The following XCR1 variants were observed in gnomAD, a reference collection of about 807,000 sequenced individuals.
XCR1 encodes X-C motif chemokine receptor 1.
For missense variants in XCR1, 356 were observed against 424.2 expected (o/e 0.84, Z 1.41); for synonymous variants, 187 against 188.5 (o/e 0.99, Z 0.06).
At chr3:46,049,369 A>G (rs561774973) in intron 5 of XCR1, among the ~76,000 whole-genome samples, 4 of 152,320 alleles carry the variant, frequency 2.6e-5, no homozygotes, top group African/African-American at 9.6e-5. Flanking sequence ...GCTTGCTGAA[A>G]CACAGAACCA....
intron 1 of XCR1, chr3:46,022,295 A>T: frequency 5.2e-6 from 1 of 193,506 alleles, no homozygotes; most frequent in Non-Finnish European, 1.1e-5. Context: ...ACAGAGAAAA[A>T]CCATGTTTCA....
intron 5 of XCR1, among the ~76,000 whole-genome samples, chr3:46,050,137 C>T (rs560321912): frequency 7.2e-5 from 11 of 152,230 alleles, no homozygotes; most frequent in African/African-American, 2.6e-4. Flanking sequence ...GAAGAATAAA[C>T]AAAAGCAAAG....
At chr3:46,050,518 A>G (rs1414620822) in intron 5 of XCR1, among the ~76,000 whole-genome samples, 1 of 152,234 alleles carries the variant, frequency 6.6e-6, no homozygotes, top group African/African-American at 2.4e-5. Flanking sequence ...ACTTCTCTGA[A>G]TAATTTATGT....
At chr3:46,068,305 G>A (rs1446380220) in intron 3 of XCR1, among the ~76,000 whole-genome samples, 1 of 152,028 alleles carries the variant, frequency 6.6e-6, no homozygotes, top group East Asian at 1.9e-4. Flanking sequence ...ATTTTGCCAC[G>A]TCTGAAAGCA....
chr3:46,031,715 T>C (rs1011910584), upstream of XCR1, among the ~76,000 whole-genome samples: 9 of 152,356 alleles, frequency 5.9e-5, no homozygotes, highest in African/African-American at 2.2e-4. Flanking sequence ...GGGGACCTTT[T>C]GGTGCCTTTC....
At chr3:46,023,240 G>A (rs1015221282) in intron 1 of XCR1, 3 of 597,384 alleles carry the variant, frequency 5.0e-6, no homozygotes, top group Admixed American at 6.1e-5. Flanking sequence ...GCTCCCCTGC[G>A]ATCCCCTCCA....
At chr3:46,073,747 C>G (rs1168166370) in intron 3 of XCR1, among the ~76,000 whole-genome samples, 1 of 151,416 alleles carries the variant, frequency 6.6e-6, no homozygotes, top group Non-Finnish European at 1.5e-5. Flanking sequence ...TACAAATAAC[C>G]CCATTAAAAA....
intron 4 of XCR1, among the ~76,000 whole-genome samples, chr3:46,063,900 C>T (rs761271775): frequency 1.3e-5 from 2 of 152,234 alleles, no homozygotes; most frequent in Non-Finnish European, 2.9e-5. Context: ...GACAGGGCCT[C>T]GCTCTGCCAC....
Position 46,021,778 on chromosome 3 carries a change from A to G in XCR1, c.170T>C (p.Val57Ala), listed in dbSNP as rs1430746669. The G allele has an allele frequency of 1.9e-6, 3 of 1,614,120 alleles. No individual in the cohort carries two copies. Among genetic ancestry groups the G allele is most frequent in the African/African-American group, 1.3e-5 (1 of 75,006 alleles). The change falls in exon 2 of 2, where the codon GTG becomes GCG. Residue 57 changes from valine to alanine, a missense_variant. Val to Ala is a moderately conservative substitution (Grantham distance 64, BLOSUM62 0). Coordinates refer to ENST00000309285, the MANE Select transcript of XCR1 (RefSeq NM_001024644.2). This position sits in a 1 kb window ranked among gnomAD's most constrained non-coding sequence, Gnocchi z 4.7. ...VGNSLVLWVL[V>A]KYESLESLTN... ...GAGGGACTCCAGGCTCTCATACTTC[A>G]CCAGGACCCACAGGACCAGGCTGTT...
In XCR1 at chr3:46,022,200, C is replaced by A. The variant is rs1166459627; in HGVS notation, c.-31-222G>T. 3 of 395,286 alleles carry A rather than the reference C, an allele frequency of 7.6e-6. No individual in the cohort carries two copies. The Admixed American group carries it at 1.3e-4, about 17-fold the overall frequency. 24.5% of individuals were successfully genotyped at this position (395,286 alleles called of 1,614,324 possible). A position where few individuals can be genotyped will look rare whatever the true frequency, so the allele number is the denominator to read the frequency against. ...CCTATAGTCCCAGCTACTCAGGAAA[C>A]CGGGGGGTGGGGAAAGATTGCTTGA... On this transcript the variant is annotated intron_variant, in intron 1 of 1. Transcript: ENST00000309285.
chr3:46,072,491 G>A (rs1698178954), intron 3 of XCR1, among the ~76,000 whole-genome samples: 1 of 152,094 alleles, frequency 6.6e-6, no homozygotes, highest in Non-Finnish European at 1.5e-5. Context: ...GTGGCTGAGA[G>A]GGACCTTGTC....
In XCR1 at chr3:46,081,979, C is replaced by T. The variant is rs1470563758; in HGVS notation, c.-515+3815G>A. The stretch of plus-strand genomic sequence containing the variant: ...AGATTTTGATTACTGGAAAGGATGT[C>T]GAATAAAAGATTCCTTCTCACCCAG... On this transcript the variant is annotated intron_variant, in intron 1 of 5. Coordinates refer to the XCR1 transcript ENST00000683768. Among the ~76,000 whole-genome samples the T allele has an allele frequency of 3.9e-5, 6 of 152,176 alleles. No individual in the cohort carries two copies. In the South Asian group the frequency reaches 8.3e-4, roughly 21 times the overall value.
chr3:46,043,895 C>A (rs572511037), intron 5 of XCR1, among the ~76,000 whole-genome samples: 6 of 152,280 alleles, frequency 3.9e-5, no homozygotes, highest in Non-Finnish European at 8.8e-5. Context: ...ATGATGGTTC[C>A]AATTTCTACA....
upstream of XCR1, among the ~76,000 whole-genome samples, chr3:46,028,535 T>C (rs1350982721): frequency 2.0e-5 from 3 of 151,814 alleles, no homozygotes; most frequent in Non-Finnish European, 4.4e-5. Flanking sequence ...TTGGGTTTCT[T>C]TTTAATTCTT....
At chr3:46,054,367 G>A (rs946357932) in intron 4 of XCR1, among the ~76,000 whole-genome samples, 3 of 152,144 alleles carry the variant, frequency 2.0e-5, no homozygotes, top group Non-Finnish European at 2.9e-5. Flanking sequence ...GGGAGCAGTC[G>A]TGAGTTTGCC....
intron 1 of XCR1, among the ~76,000 whole-genome samples, chr3:46,078,937 G>A (rs1415280727): frequency 6.6e-6 from 1 of 152,158 alleles, no homozygotes; most frequent in African/African-American, 2.4e-5. Flanking sequence ...ATCTGCATGG[G>A]CATAAAATAC....
At chr3:46,030,678 C>T (rs555063727), upstream of XCR1, among the ~76,000 whole-genome samples, 1 of 152,362 alleles carries the variant, frequency 6.6e-6, no homozygotes, top group African/African-American at 2.4e-5. Context: ...ACCATCATGC[C>T]AGCTGCAGCA....
chr3:46,053,055 A>C (rs146961460), intron 5 of XCR1, among the ~76,000 whole-genome samples: 1 of 152,176 alleles, frequency 6.6e-6, no homozygotes, highest in African/African-American at 2.4e-5. Flanking sequence ...GCATGGTTCT[A>C]TCCAGCCTGG....
chr3:46,034,739 C>T (rs1200621956), intron 5 of XCR1, among the ~76,000 whole-genome samples: 1 of 152,034 alleles, frequency 6.6e-6, no homozygotes, highest in Non-Finnish European at 1.5e-5. Context: ...ATGAAACTGA[C>T]CCAATAGTCC....
Sources: gnomAD v4.1 joint callset for allele counts (sites outside exome capture counted in the v4.1 genomes callset) on GRCh38, gnomAD v4.1.1 for gene constraint, Gnocchi (gnomAD v3.1) non-coding constraint, MANE v1.5 for transcripts, NCBI Gene and HGNC (gene_info 2026-07-23, HGNC 2026-07-21) for gene names.